Variants in NDUFS1 observed in about 807,000 individuals in gnomAD.
The protein encoded by NDUFS1 is NADH:ubiquinone oxidoreductase core subunit S1.
A neutral mutation model predicts 84.4 loss-of-function variants in NDUFS1; 61 were observed. That is an observed-to-expected ratio of 0.72 (90% CI 0.59 to 0.89). NDUFS1 has a LOEUF of 0.89. NDUFS1 is among the 40% of genes least tolerant of loss of function. The pLI is 0.00. For synonymous variants in NDUFS1, 275 were observed against 290.0 expected, an observed-to-expected ratio of 0.95 and a Z score of 0.53; for missense variants, 891 against 890.0, an observed-to-expected ratio of 1.00 and a Z score of -0.01.
chr2:206,130,868 G>A (rs1300201415), intron 14 of NDUFS1, among the ~76,000 whole-genome samples: 2 of 152,098 alleles, frequency 1.3e-5, no homozygotes, highest in East Asian at 3.9e-4. Flanking sequence ...CATAAAACAT[G>A]ATAAGTCATA....
chr2:206,147,120 A>G lies in NDUFS1; in HGVS notation c.552-32T>C, dbSNP rs375547722. The G allele has an allele frequency of 4.8e-5, 76 of 1,599,458 alleles. 1 individual carries two copies. In the African/African-American group the frequency reaches 9.8e-4, roughly 21 times the overall value. ...GATAAAAAATGTGTCATCAATGGTC[A>G]AGTCCAGCAAAATTATTTCCTTTCT... On this transcript the variant is annotated intron_variant, in intron 7 of 18. Transcript: ENST00000233190.
chr2:206,115,975 G>C lies in NDUFS1; in HGVS notation c.*8210C>G. 1.4e-6 allele frequency: 1 copy of C among 703,250 alleles called. No homozygotes were observed. Among genetic ancestry groups the C allele is most frequent in the East Asian group, 2.7e-5 (1 of 37,700 alleles). 43.6% of individuals were successfully genotyped at this position (703,250 alleles called of 1,614,324 possible). ...AGTTAAAAGGCATCTTCTTTCATTA[G>C]CAGTGTTAACAGTAGTTTTTTTTTC... On this transcript the variant is annotated 3_prime_UTR_variant, in exon 19 of 19. Transcript: ENST00000233190.
At position 206,116,522 on chromosome 2, in the gene NDUFS1, GC is replaced by G; in HGVS notation, c.*7662del. ...CCATGTTCCCAGGGGTGCGGGGATG[GC>G]AGCGCTACGCCTCAGCCACTCGCGC... On this transcript the variant is annotated 3_prime_UTR_variant, in exon 19 of 19. Coordinates refer to ENST00000233190, the MANE Select transcript of NDUFS1 (RefSeq NM_005006.7). 1 of 1,110,718 alleles carries G rather than the reference GC, an allele frequency of 9.0e-7. No individual in the cohort carries two copies. The highest frequency in any genetic ancestry group is 1.3e-6 in the Non-Finnish European group (1 of 767,692). 68.8% of individuals were successfully genotyped at this position (1,110,718 alleles called of 1,614,324 possible).
At chr2:206,133,709 G>A (rs1374846165) in intron 13 of NDUFS1, among the ~76,000 whole-genome samples, 1 of 152,240 alleles carries the variant, frequency 6.6e-6, no homozygotes, top group African/African-American at 2.4e-5. Context: ...TGGGCACGGT[G>A]GCTCACGCCT....
chr2:206,157,199 C>T lies in NDUFS1; in HGVS notation c.-5+2142G>A, dbSNP rs1347178645. ...ACTCCTGACCTCAGTGATCCACCCG[C>T]GTCGACCTCCCAACGTGTTGGGATT... On this transcript the variant is annotated intron_variant, in intron 1 of 18. Transcript: ENST00000233190. 4.6e-5 allele frequency among the ~76,000 whole-genome samples: 7 copies of T among 152,222 alleles called. 1 individual carries two copies. Among genetic ancestry groups the T allele is most frequent in the African/African-American group, 1.7e-4 (7 of 41,464 alleles).
rs568654457 is a variant in NDUFS1, at chr2:206,155,780, C to T, written c.-4-2098G>A. 1.9e-4 allele frequency among the ~76,000 whole-genome samples: 28 copies of T among 150,964 alleles called. No homozygotes were observed. In the Middle Eastern group the frequency reaches 0.014, roughly 76 times the overall value. Reference sequence around the variant, plus strand: ...TGTTGGCCAGGCTGGTCTCAAACTCCGGACCTCAGGTGATCCACCTGCCTT... The same window carrying T: ...TGTTGGCCAGGCTGGTCTCAAACTCTGGACCTCAGGTGATCCACCTGCCTT... On this transcript the variant is annotated intron_variant, in intron 1 of 18. Transcript: ENST00000233190.
chr2:206,134,647 A>G (rs987604761), intron 13 of NDUFS1, among the ~76,000 whole-genome samples: 1 of 152,136 alleles, frequency 6.6e-6, no homozygotes, highest in African/African-American at 2.4e-5. Flanking sequence ...AAGACAGGGT[A>G]CAGGATACAA....
rs956632837 is a variant in NDUFS1 at position 206,123,524 on chromosome 2, A to G, written c.*661T>C. 2 of 152,222 alleles carry G rather than the reference A, an allele frequency of 1.3e-5. No homozygotes were observed. Among genetic ancestry groups the G allele is most frequent in the Admixed American group, 1.3e-4 (2 of 15,274 alleles). 9.4% of individuals were successfully genotyped at this position (152,222 alleles called of 1,614,324 possible). ...ACAGGCTTTGGAGTAAATAAGAAGT[A>G]GGTTTGAGTTGGTGACTTTTGCTGT... On this transcript the variant is annotated 3_prime_UTR_variant, in exon 19 of 19. Coordinates refer to ENST00000233190, the MANE Select transcript of NDUFS1 (RefSeq NM_005006.7).
In NDUFS1 at chr2:206,149,711, A is replaced by C. The variant is rs113525677; in HGVS notation, c.261+107T>G. 1.0e-5 allele frequency: 8 copies of C among 800,188 alleles called. No individual in the cohort carries two copies. In the African/African-American group the frequency reaches 1.2e-4, roughly 12 times the overall value. 49.6% of individuals were successfully genotyped at this position (800,188 alleles called of 1,614,324 possible). A position where few individuals can be genotyped will look rare whatever the true frequency, so the allele number is the denominator to read the frequency against. On this transcript the variant is annotated intron_variant, in intron 4 of 18. Coordinates refer to ENST00000233190, the MANE Select transcript of NDUFS1 (RefSeq NM_005006.7). ...GAATTAAATTTATAGATAGAAGTAAAGAGGGCTAGGTTCTCCACTACGATA... is the reference window on the plus strand; with the variant it reads ...GAATTAAATTTATAGATAGAAGTAACGAGGGCTAGGTTCTCCACTACGATA...
At position 206,116,007 on chromosome 2, in the gene NDUFS1, G is replaced by A. The variant is rs1354866028; in HGVS notation, c.*8178C>T. On this transcript the variant is annotated 3_prime_UTR_variant, in exon 19 of 19. Transcript: ENST00000233190. ...TAACAGTAGTTTTTTTTTCCCATGG[G>A]TAATGCTAAAAGTTGCTATTCTAAG... The A allele has an allele frequency of 2.8e-5, 21 of 749,610 alleles. No homozygotes were observed. The highest frequency in any genetic ancestry group is 4.5e-5 in the Non-Finnish European group (18 of 404,236). The allele number at this position is 749,610 out of a possible 1,614,324, so 46.4% of individuals were successfully genotyped here. A position where few individuals can be genotyped will look rare whatever the true frequency, so the allele number is the denominator to read the frequency against.
intron 12 of NDUFS1, among the ~76,000 whole-genome samples, chr2:206,141,401 G>A (rs974826099): frequency 6.6e-6 from 1 of 151,504 alleles, no homozygotes; most frequent in African/African-American, 2.4e-5. Flanking sequence ...GTGCAGGGGC[G>A]GGCGCCTGTA....
intron 13 of NDUFS1, among the ~76,000 whole-genome samples, chr2:206,136,425 T>TG (rs1691715834): frequency 1.4e-5 from 2 of 139,244 alleles, no homozygotes; most frequent in African/African-American, 5.6e-5. Flanking sequence ...TTTTAGTTGT[T>TG]GGTTTTTTTT....
At position 206,117,680 on chromosome 2, in the gene NDUFS1, C is replaced by G. The variant is rs1252614017; in HGVS notation, c.*6505G>C. The G allele has an allele frequency of 2.0e-5, 3 of 152,088 alleles. No individual in the cohort carries two copies. The highest frequency in any genetic ancestry group is 4.4e-5 in the Non-Finnish European group (3 of 68,022). The allele number at this position is 152,088 out of a possible 1,614,324, so 9.4% of individuals were successfully genotyped here. A position where few individuals can be genotyped will look rare whatever the true frequency, so the allele number is the denominator to read the frequency against. ...GAACTCCTGGCCTTATGAGAGCCAC[C>G]GCACCCAGCTGATACTCTGCAAATG... On this transcript the variant is annotated 3_prime_UTR_variant, in exon 19 of 19. Coordinates refer to ENST00000233190, the MANE Select transcript of NDUFS1 (RefSeq NM_005006.7).
Position 206,117,652 on chromosome 2 carries a change from C to T in NDUFS1, c.*6533G>A, listed in dbSNP as rs944194361. The T allele has an allele frequency of 2.0e-5, 3 of 152,174 alleles. No homozygotes were observed. Among genetic ancestry groups the T allele is most frequent in the African/African-American group, 7.2e-5 (3 of 41,420 alleles). 9.4% of individuals were successfully genotyped at this position (152,174 alleles called of 1,614,324 possible). ...GTTTCACTATCTTGGCCAGGCTGGT[C>T]TTGAACTCCTGGCCTTATGAGAGCC... On this transcript the variant is annotated 3_prime_UTR_variant, in exon 19 of 19. Coordinates refer to ENST00000233190, the MANE Select transcript of NDUFS1 (RefSeq NM_005006.7).
chr2:206,135,432 T>C (rs1330852863), intron 13 of NDUFS1, among the ~76,000 whole-genome samples: 1 of 151,892 alleles, frequency 6.6e-6, no homozygotes, highest in Non-Finnish European at 1.5e-5. Context: ...CCCAGTACTT[T>C]GGGAGGCCGA....
In NDUFS1 at chr2:206,118,902, A is replaced by G. The variant is rs1691022344; in HGVS notation, c.*5283T>C. The G allele has an allele frequency of 2.0e-5, 3 of 151,802 alleles. No homozygotes were observed. The South Asian group carries it at 6.2e-4, about 31-fold the overall frequency. The allele number at this position is 151,802 out of a possible 1,614,324, so 9.4% of individuals were successfully genotyped here. The stretch of plus-strand genomic sequence containing the variant: ...CAGGAGTTTGAGACCATCCTGCCCA[A>G]CATGGTGAAACCCCGCCTCTACTAA... On this transcript the variant is annotated 3_prime_UTR_variant, in exon 19 of 19. Coordinates refer to ENST00000233190, the MANE Select transcript of NDUFS1 (RefSeq NM_005006.7).
rs568148418 is a variant in NDUFS1, at chr2:206,130,162, A to T, written c.1634T>A (p.Leu545Gln). ...EAIRKNPPKVLFLLGADGGCI... is the reference protein window; with the variant it reads ...EAIRKNPPKVQFLLGADGGCI... The stretch of plus-strand genomic sequence containing the variant: ...ACCTCCATCTGCTCCCAGGAGAAAC[A>T]GCACCTTGGGAGGGTTCTTCCGAAT... The change falls in exon 15 of 19, where the codon CTG (leucine) becomes CAG (glutamine). Residue 545 changes from leucine (L) to glutamine (Q), a missense_variant. By Grantham distance (113) the Leu-to-Gln change is moderately radical. Transcript: ENST00000233190. 1 of 1,614,172 alleles carries T rather than the reference A, an allele frequency of 6.2e-7. No individual in the cohort carries two copies. The highest frequency in any genetic ancestry group is 1.3e-5 in the African/African-American group (1 of 75,056).
At chr2:206,145,582 A>G (rs551645197) in intron 8 of NDUFS1, among the ~76,000 whole-genome samples, 15 of 152,324 alleles carry the variant, frequency 9.8e-5, no homozygotes, top group Admixed American at 8.5e-4. Context: ...AAGGAGCTCA[A>G]AAAACCTTCC....
rs761520048 is a variant in NDUFS1 at position 206,144,915 on chromosome 2, T to G, written c.849A>C (p.Glu283Asp). ...ACCTGGTTTTATCAGAGATCCACTC[T>G]TCATTGATGTCCTCATGCATACGTG... is the stretch of plus-strand genomic sequence containing the variant. ...ILPRMHEDIN[E>D]EWISDKTRFA... Residue 283 changes from glutamate to aspartate, a missense_variant, in exon 9 of 19, where the codon GAA becomes GAC. Glu to Asp is a conservative substitution (Grantham distance 45). Coordinates refer to ENST00000233190, the MANE Select transcript of NDUFS1 (RefSeq NM_005006.7). The G allele has an allele frequency of 1.9e-6, 3 of 1,614,098 alleles. No individual in the cohort carries two copies. In the South Asian group the frequency reaches 3.3e-5, roughly 18 times the overall value.
Sources: gnomAD v4.1 joint callset for allele counts (sites outside exome capture counted in the v4.1 genomes callset) on GRCh38, gnomAD v4.1.1 for gene constraint, MANE v1.5 for transcripts, NCBI Gene and HGNC (gene_info 2026-07-23, HGNC 2026-07-21) for gene names.